The following DENND4C variants were observed in gnomAD, a reference collection of about 807,000 sequenced individuals.
The protein encoded by DENND4C is DENN domain containing 4C.
In DENND4C, 108 loss-of-function variants were observed where a neutral mutation model predicts 203.0. The ratio of observed to expected loss-of-function variants is 0.53; its 90% CI spans 0.46 to 0.62. The LOEUF is 0.62. Among genes scored for constraint, DENND4C ranks in the 20% least tolerant of loss-of-function variants. The pLI is 0.00. For missense variants in DENND4C, 2,481 were observed against 2,301.2 expected (o/e 1.08, Z -1.60); for synonymous variants, 871 against 792.4 (o/e 1.10, Z -1.67).
Position 19,341,123 on chromosome 9 carries a change from C to T in DENND4C, c.3004+9C>T. On this transcript the variant is annotated intron_variant, in intron 21 of 32. Coordinates refer to ENST00000434457, the MANE Select transcript of DENND4C (RefSeq NM_001330640.2). The stretch of plus-strand genomic sequence containing the variant: ...AAAAATGCAAACAGAAGGTTAAGTA[C>T]TGATATTTACGAACTTTACTTAGAA... 6.3e-7 allele frequency: 1 copy of T among 1,595,082 alleles called. No homozygotes were observed. Among genetic ancestry groups the T allele is most frequent in the Non-Finnish European group, 8.5e-7 (1 of 1,172,860 alleles).
chr9:19,244,596 C>T (rs756853562), intron 1 of DENND4C, among the ~76,000 whole-genome samples: 11 of 151,754 alleles, frequency 7.2e-5, no homozygotes, highest in Non-Finnish European at 1.0e-4. Flanking sequence ...AAAAATTAGC[C>T]GGGCGTGGTT....
intron 12 of DENND4C, among the ~76,000 whole-genome samples, chr9:19,320,180 CTT>C (rs1842641937): frequency 6.6e-6 from 1 of 151,554 alleles, no homozygotes; most frequent in Non-Finnish European, 1.5e-5. Context: ...TTGATGAAAT[CTT>C]TTACTTTTTT....
chr9:19,351,754 C>T (rs1824172186), intron 24 of DENND4C, among the ~76,000 whole-genome samples: 1 of 150,498 alleles, frequency 6.6e-6, no homozygotes, highest in African/African-American at 2.5e-5. Flanking sequence ...TTGCAGTGAG[C>T]CGAGATTGTA....
At chr9:19,360,913 G>A (rs1340549788) in intron 29 of DENND4C, among the ~76,000 whole-genome samples, 2 of 152,106 alleles carry the variant, frequency 1.3e-5, no homozygotes, top group African/African-American at 2.4e-5. Flanking sequence ...AGAAAATGTT[G>A]CCCAGGCTGG....
chr9:19,269,016 A>G (rs1044664146), intron 1 of DENND4C, among the ~76,000 whole-genome samples: 4 of 152,058 alleles, frequency 2.6e-5, no homozygotes, highest in Non-Finnish European at 4.4e-5. Context: ...CTTTGAATAA[A>G]CTTGGTACAT....
chr9:19,287,402 G>A (rs1835404563), intron 3 of DENND4C, among the ~76,000 whole-genome samples: 1 of 152,048 alleles, frequency 6.6e-6, no homozygotes, highest in South Asian at 2.1e-4. Flanking sequence ...TTTTGAGACA[G>A]GGTCTTGCTT....
At chr9:19,350,973 G>A (rs575220927) in intron 24 of DENND4C, 94 bp downstream of exon 24, 1 of 1,339,374 alleles carries the variant, frequency 7.5e-7, no homozygotes, top group South Asian at 1.6e-5. Flanking sequence ...TTGTTGCCCA[G>A]GCTGGTCTCG....
intron 10 of DENND4C, among the ~76,000 whole-genome samples, chr9:19,308,073 G>T (rs1245626662): frequency 6.6e-6 from 1 of 152,026 alleles, no homozygotes; most frequent in East Asian, 1.9e-4. Context: ...GGTTCATTCA[G>T]TTCATTTTCA....
intron 3 of DENND4C, 100 bp from the exon 4 acceptor site, chr9:19,288,496 A>C (rs1480848790): frequency 1.5e-6 from 1 of 654,840 alleles, no homozygotes; most frequent in Non-Finnish European, 2.2e-6. Context: ...TTTTAAATAG[A>C]CTCTTCTGAG....
At chr9:19,240,382 C>T (rs1473872885) in intron 1 of DENND4C, among the ~76,000 whole-genome samples, 4 of 151,976 alleles carry the variant, frequency 2.6e-5, no homozygotes, top group African/African-American at 7.3e-5. Flanking sequence ...ATAAAAGGGC[C>T]GGGAACCAGG....
At position 19,316,695 on chromosome 9, in the gene DENND4C, A is replaced by T. The variant is rs756967390; in HGVS notation, c.1663A>T (p.Met555Leu). Residue 555 changes from methionine (M) to leucine (L), a missense_variant, in exon 12 of 33, where the codon ATG (methionine) becomes TTG (leucine). By Grantham distance (15) the Met-to-Leu change is conservative. Transcript: ENST00000434457. ...AGCAGATTTCTCCTGGCAAAAGAAGATGACACAGCTTGAGATGGAAATTCA... is the reference window on the plus strand; with the variant it reads ...AGCAGATTTCTCCTGGCAAAAGAAGTTGACACAGCTTGAGATGGAAATTCA... ...IEADFSWQKK[M>L]TQLEMEIQEA... 1 of 1,614,114 alleles carries T rather than the reference A, an allele frequency of 6.2e-7. No homozygotes were observed.
At chr9:19,368,126 CAAT>C (rs1270004313) in intron 30 of DENND4C, among the ~76,000 whole-genome samples, 3 of 151,780 alleles carry the variant, frequency 2.0e-5, no homozygotes, top group Non-Finnish European at 2.9e-5. Flanking sequence ...AGACTTATCT[CAAT>C]AATTGTGAAA....
At chr9:19,244,627 C>G (rs555601225) in intron 1 of DENND4C, among the ~76,000 whole-genome samples, 43 of 151,658 alleles carry the variant, frequency 2.8e-4, no homozygotes, top group African/African-American at 9.4e-4. Context: ...GTAGTCTCAG[C>G]TACTTGGGAG....
At position 19,258,167 on chromosome 9, in the gene DENND4C, C is replaced by T. The variant is rs570313074; in HGVS notation, c.-17-17991C>T. On this transcript the variant is annotated intron_variant, in intron 1 of 32. Transcript: ENST00000434457. ...TATCTATCAATCAAGAAGAAATAGG[C>T]AAGCCAAATAGCCTCGTATGTGTTA... Among the ~76,000 whole-genome samples, 10 of 152,164 alleles carry T rather than the reference C, an allele frequency of 6.6e-5. 1 individual carries two copies. Among genetic ancestry groups the T allele is most frequent in the African/African-American group, 2.2e-4 (9 of 41,548 alleles).
intron 26 of DENND4C, among the ~76,000 whole-genome samples, chr9:19,354,763 C>G (rs552105973): frequency 2.7e-4 from 41 of 152,026 alleles, no homozygotes; most frequent in African/African-American, 9.9e-4. Context: ...CCAGGCTGGT[C>G]TCGAACTCCT....
intron 12 of DENND4C, among the ~76,000 whole-genome samples, chr9:19,319,327 C>CTT (rs1842400388): frequency 5.2e-5 from 5 of 97,032 alleles, no homozygotes; most frequent in African/African-American, 1.7e-4. Context: ...CATATATATA[C>CTT]ATATATATAC....
At chr9:19,292,482 A>C (rs1450901155) in intron 5 of DENND4C, 2 of 152,130 alleles carry the variant, frequency 1.3e-5, no homozygotes, top group Non-Finnish European at 1.5e-5. Context: ...GAAGGCAAAA[A>C]TAAACAATAT....
At chr9:19,370,848 G>GT (rs1431123599) in intron 31 of DENND4C, among the ~76,000 whole-genome samples, 2 of 152,222 alleles carry the variant, frequency 1.3e-5, no homozygotes, top group Non-Finnish European at 2.9e-5. Context: ...CATTCCTAAT[G>GT]TTTCCATGGT....
chr9:19,367,572 C>G (rs9695464), intron 30 of DENND4C, among the ~76,000 whole-genome samples: 8,911 of 152,252 alleles, frequency 0.059, 847 homozygotes, highest in African/African-American at 0.2. Context: ...CCCGTCTCTA[C>G]TAAAAGAAAT....
Sources: allele counts gnomAD v4.1 joint callset (sites outside exome capture counted in the v4.1 genomes callset), GRCh38; gene constraint gnomAD v4.1.1; transcripts MANE v1.5; gene names NCBI Gene and HGNC (gene_info 2026-07-23, HGNC 2026-07-21).